CNTNAP5: variants seen among roughly 807,000 people sequenced by gnomAD.
The protein encoded by CNTNAP5 is contactin associated protein family member 5.
In CNTNAP5, 72 loss-of-function variants were observed where a neutral mutation model predicts 150.2. The ratio of observed to expected loss-of-function variants is 0.48; its 90% confidence interval spans 0.40 to 0.58. The LOEUF is 0.58. CNTNAP5 is among the 20% of genes least tolerant of loss of function. The pLI, the probability that CNTNAP5 is intolerant of heterozygous loss-of-function variation, is 0.00. For synonymous variants in CNTNAP5, 672 were observed against 619.8 expected (o/e 1.08, Z -1.25); for missense variants, 1,636 against 1,626.2 (o/e 1.01, Z -0.10).
At chr2:124,629,930 T>C (rs1677811481) in intron 12 of CNTNAP5, among the ~76,000 whole-genome samples, 1 of 38,322 alleles carries the variant, frequency 2.6e-5, no homozygotes, top group African/African-American at 6.6e-5. Context: ...TATAAACACC[T>C]CTATGCAAAA....
chr2:124,318,098 G>A (rs1031830107), intron 3 of CNTNAP5, among the ~76,000 whole-genome samples: 5 of 152,210 alleles, frequency 3.3e-5, no homozygotes, highest in South Asian at 2.1e-4. Flanking sequence ...GGAGGCAGTG[G>A]AGGAGAGGAA....
At chr2:124,419,144 A>AAAAAAAAAAAAAAAAAAAG (rs1692011288) in intron 4 of CNTNAP5, among the ~76,000 whole-genome samples, 1 of 132,768 alleles carries the variant, frequency 7.5e-6, no homozygotes, top group Non-Finnish European at 1.6e-5. Flanking sequence ...CCTTCTCAAA[A>AAAAAAAAAAAAAAAAAAAG]AAAAAAAAAA....
chr2:124,861,642 C>CGGG (rs1677526342), intron 19 of CNTNAP5, among the ~76,000 whole-genome samples: 1 of 151,496 alleles, frequency 6.6e-6, no homozygotes, highest in Non-Finnish European at 1.5e-5. Context: ...TGCCTGAATA[C>CGGG]GGGGAAGAAG....
At chr2:124,276,457 T>C (rs981272188) in intron 3 of CNTNAP5, among the ~76,000 whole-genome samples, 1 of 152,202 alleles carries the variant, frequency 6.6e-6, no homozygotes, top group Non-Finnish European at 1.5e-5. Flanking sequence ...TTTACAACTA[T>C]GTCCCTTGAT....
chr2:124,538,136 T>C (rs1695285010), intron 10 of CNTNAP5, among the ~76,000 whole-genome samples: 1 of 152,192 alleles, frequency 6.6e-6, no homozygotes, highest in South Asian at 2.1e-4. Context: ...AGAAAATGTC[T>C]ACAAAGTCCC....
intron 1 of CNTNAP5, among the ~76,000 whole-genome samples, chr2:124,167,312 T>C (rs919144597): frequency 1.3e-5 from 2 of 152,180 alleles, no homozygotes; most frequent in African/African-American, 4.8e-5. Context: ...TATTTTCACA[T>C]GTGACTGTAG....
intron 3 of CNTNAP5, among the ~76,000 whole-genome samples, chr2:124,318,585 C>T (rs904976223): frequency 6.6e-6 from 1 of 152,054 alleles, no homozygotes; most frequent in Non-Finnish European, 1.5e-5. Context: ...ATTAATAAAC[C>T]AAGGGAAGAG....
chr2:124,509,988 G>T (rs1694519914), intron 8 of CNTNAP5, among the ~76,000 whole-genome samples: 1 of 151,856 alleles, frequency 6.6e-6, no homozygotes, highest in South Asian at 2.1e-4. Context: ...GATTGCTTGA[G>T]GTCAGGAGTT....
At chr2:124,629,874 G>C (rs951609365) in intron 12 of CNTNAP5, among the ~76,000 whole-genome samples, 3 of 136,670 alleles carry the variant, frequency 2.2e-5, no homozygotes, top group Non-Finnish European at 3.1e-5. Flanking sequence ...AACTATAAGG[G>C]GGATACCACC....
chr2:124,124,487 C>A (rs898418919), intron 1 of CNTNAP5, among the ~76,000 whole-genome samples: 2 of 152,220 alleles, frequency 1.3e-5, no homozygotes, highest in Non-Finnish European at 2.9e-5. Flanking sequence ...GGAAAACACT[C>A]TGCAGCATAT....
At chr2:124,451,802 G>T (rs1216147016) in intron 6 of CNTNAP5, among the ~76,000 whole-genome samples, 2 of 152,118 alleles carry the variant, frequency 1.3e-5, no homozygotes, top group African/African-American at 4.8e-5. Flanking sequence ...GAACCCGAAG[G>T]TCTAGATTAC....
intron 10 of CNTNAP5, among the ~76,000 whole-genome samples, chr2:124,551,612 T>A (rs1254723129): frequency 1.3e-5 from 2 of 152,128 alleles, no homozygotes; most frequent in Middle Eastern, 3.2e-3. Context: ...TTCTTTTGTC[T>A]CCAAGGAAAG....
chr2:124,708,080 A>G (rs1035127978), intron 13 of CNTNAP5, among the ~76,000 whole-genome samples: 1 of 152,198 alleles, frequency 6.6e-6, no homozygotes, highest in Non-Finnish European at 1.5e-5. Context: ...AGTATTTACA[A>G]CTAGGCTTAT....
chr2:124,865,570 T>C (rs1677614339), intron 20 of CNTNAP5, 134 bp downstream of exon 20: 1 of 779,904 alleles, frequency 1.3e-6, no homozygotes, highest in Non-Finnish European at 2.0e-6. Context: ...GCCCCCAGAC[T>C]TGGAAGAACT....
In CNTNAP5 at chr2:124,426,853, T is replaced by C. The variant is rs1692249983; in HGVS notation, c.530-7631T>C. Among the ~76,000 whole-genome samples, 2 of 152,170 alleles carry C rather than the reference T, an allele frequency of 1.3e-5. 1 individual carries two copies. The highest frequency in any genetic ancestry group is 4.1e-4 in the South Asian group (2 of 4,824). ...GGCCCAGTGGGAAGTCGGCCAGTGCTGGCATTCTCAGTACTCCAGGATGGG... is the reference window on the plus strand; with the variant it reads ...GGCCCAGTGGGAAGTCGGCCAGTGCCGGCATTCTCAGTACTCCAGGATGGG... On this transcript the variant is annotated intron_variant, in intron 4 of 23. Transcript: ENST00000682447.
chr2:124,229,003 T>A (rs1394682054), intron 2 of CNTNAP5, among the ~76,000 whole-genome samples: 1 of 152,122 alleles, frequency 6.6e-6, no homozygotes, highest in Admixed American at 6.6e-5. Flanking sequence ...AGTCCCTTGA[T>A]GATTATATAA....
intron 1 of CNTNAP5, among the ~76,000 whole-genome samples, chr2:124,055,306 T>A (rs1394640151): frequency 6.6e-6 from 1 of 152,176 alleles, no homozygotes; most frequent in Admixed American, 6.5e-5. Flanking sequence ...CTAAGACTCA[T>A]TTAACTCTAC....
chr2:124,755,038 G>A (rs917015192), intron 14 of CNTNAP5, among the ~76,000 whole-genome samples: 3 of 151,916 alleles, frequency 2.0e-5, no homozygotes, highest in African/African-American at 7.2e-5. Context: ...GAGGTAAATA[G>A]CTGATATTTT....
chr2:124,091,193 G>A (rs1321218023), intron 1 of CNTNAP5, among the ~76,000 whole-genome samples: 1 of 152,172 alleles, frequency 6.6e-6, no homozygotes, highest in African/African-American at 2.4e-5. Flanking sequence ...GAAATAGTGA[G>A]CAGGGAGTGT....
Sources: allele counts gnomAD v4.1 joint callset (sites outside exome capture counted in the v4.1 genomes callset), GRCh38; gene constraint gnomAD v4.1.1; transcripts MANE v1.5; gene names NCBI Gene and HGNC (gene_info 2026-07-23, HGNC 2026-07-21).